NRBF2: variants seen among roughly 807,000 people sequenced by gnomAD.
NRBF2 encodes the protein nuclear receptor binding factor 2.
In NRBF2, 12 loss-of-function variants were observed where a neutral mutation model predicts 28.5. The observed-to-expected ratio is 0.42, with a 90% CI of 0.27 to 0.68. The LOEUF (loss-of-function observed/expected upper bound fraction) is 0.68, where lower values mean the gene tolerates loss of function less well. Among genes scored for constraint, NRBF2 ranks in the 30% least tolerant of loss-of-function variants. NRBF2 has a pLI of 0.24. For synonymous variants in NRBF2, 102 were observed against 116.5 expected, an observed-to-expected ratio of 0.88 and a Z score of 0.80; for missense variants, 274 against 333.5, an observed-to-expected ratio of 0.82 and a Z score of 1.39.
intron 2 of NRBF2, among the ~76,000 whole-genome samples, chr10:63,146,751 T>A (rs1487900543): frequency 1.3e-5 from 2 of 152,222 alleles, no homozygotes; most frequent in Non-Finnish European, 2.9e-5. Context: ...TGTGGGAGAT[T>A]TTTCCTGTGG....
At position 63,154,104 on chromosome 10, in the gene NRBF2, T is replaced by G; in HGVS notation, c.750T>G (p.Thr250=). The change falls in exon 4 of 4, where the codon ACT becomes ACG. Residue 250 remains threonine (T), a synonymous_variant. Transcript: ENST00000277746. ...CCTGGCAGAAGTTCGCAGCAAATACTGGGAAAGCCAAGGACATTCCAATCC... is the reference window on the plus strand; with the variant it reads ...CCTGGCAGAAGTTCGCAGCAAATACGGGGAAAGCCAAGGACATTCCAATCC... The part of the protein sequence containing the change: ...SSTWQKFAAN[T]GKAKDIPIPN... 1.2e-6 allele frequency: 2 copies of G among 1,613,970 alleles called. No individual in the cohort carries two copies. The highest frequency in any genetic ancestry group is 1.1e-5 in the South Asian group (1 of 91,080).
At chr10:63,150,548 T>A (rs1362094527) in intron 2 of NRBF2, among the ~76,000 whole-genome samples, 1 of 152,150 alleles carries the variant, frequency 6.6e-6, no homozygotes, top group Non-Finnish European at 1.5e-5. Context: ...AACTCTTCTT[T>A]TTCTTGGAAA....
intron 1 of NRBF2, among the ~76,000 whole-genome samples, chr10:63,137,756 G>C (rs545532423): frequency 6.6e-6 from 1 of 152,072 alleles, no homozygotes; most frequent in South Asian, 2.1e-4. Flanking sequence ...AAATCTTCAA[G>C]GTAAAAAGAG....
At chr10:63,147,681 C>T (rs558579430) in intron 2 of NRBF2, among the ~76,000 whole-genome samples, 1 of 149,420 alleles carries the variant, frequency 6.7e-6, no homozygotes, top group South Asian at 2.1e-4. Context: ...TAGGTATACA[C>T]GTGCCATGGT....
At chr10:63,139,157 G>A (rs1019694456) in intron 1 of NRBF2, among the ~76,000 whole-genome samples, 4 of 152,226 alleles carry the variant, frequency 2.6e-5, no homozygotes, top group South Asian at 2.1e-4. Context: ...CCACAGGCGC[G>A]TGCCATCATG....
Position 63,133,445 on chromosome 10 carries a change from T to C in NRBF2, c.-26T>C. On this transcript the variant is annotated 5_prime_UTR_variant, in exon 1 of 4. Coordinates refer to ENST00000277746, the MANE Select transcript of NRBF2 (RefSeq NM_030759.5). ...TCCCCGGCGCCACTACTCCCCTTCC[T>C]AAGGCCGCCGCTTACCCCGGGGTCT... 2 of 1,611,586 alleles carry C rather than the reference T, an allele frequency of 1.2e-6. No homozygotes were observed. Among genetic ancestry groups the C allele is most frequent in the Non-Finnish European group, 1.7e-6 (2 of 1,178,836 alleles).
At position 63,154,758 on chromosome 10, in the gene NRBF2, CATA is replaced by C. The variant is rs1160843; in HGVS notation, c.*543_*545del. 0.4 allele frequency: 61,514 copies of C among 152,326 alleles called. 13,414 individuals are homozygous for C. The highest frequency in any genetic ancestry group is 0.52 in the South Asian group (2,529 of 4,818). The allele number at this position is 152,326 out of a possible 1,614,324, so 9.4% of individuals were successfully genotyped here. A position where few individuals can be genotyped will look rare whatever the true frequency, so the allele number is the denominator to read the frequency against. ...TATATGTGCCACACTTTGCACTACT[CATA>C]ATGATAACCTCAAGACTATCAGAAG... On this transcript the variant is annotated 3_prime_UTR_variant, in exon 4 of 4. Transcript: ENST00000277746.
At chr10:63,150,216 T>G (rs1841627179) in intron 2 of NRBF2, 1 of 187,984 alleles carries the variant, frequency 5.3e-6, no homozygotes, top group Non-Finnish European at 9.9e-6. Context: ...CCTCCCAAAG[T>G]GCTAGGATTA....
At chr10:63,149,968 G>C (rs1380129261) in intron 2 of NRBF2, among the ~76,000 whole-genome samples, 3 of 148,082 alleles carry the variant, frequency 2.0e-5, no homozygotes, top group Non-Finnish European at 4.5e-5. Flanking sequence ...TTGAAACGGA[G>C]TCTTGCTCTG....
At chr10:63,134,301 T>C (rs913117833) in intron 1 of NRBF2, among the ~76,000 whole-genome samples, 1 of 152,198 alleles carries the variant, frequency 6.6e-6, no homozygotes, top group African/African-American at 2.4e-5. Context: ...GACTGGCCAT[T>C]GCATCTTTTA....
At chr10:63,142,658 T>G (rs1299503525) in intron 1 of NRBF2, among the ~76,000 whole-genome samples, 1 of 152,156 alleles carries the variant, frequency 6.6e-6, no homozygotes, top group Non-Finnish European at 1.5e-5. Flanking sequence ...AATACCTGTA[T>G]AATTTGTGGG....
intron 1 of NRBF2, among the ~76,000 whole-genome samples, chr10:63,139,576 G>A (rs1841430497): frequency 6.6e-6 from 1 of 152,128 alleles, no homozygotes; most frequent in African/African-American, 2.4e-5. Flanking sequence ...TAATTTACTG[G>A]ACTCCAAAGA....
intron 1 of NRBF2, among the ~76,000 whole-genome samples, chr10:63,140,705 CTT>C (rs201387308): frequency 6.9e-6 from 1 of 144,916 alleles, no homozygotes. Context: ...CAGCCTATTA[CTT>C]TTTTTTTTTT....
chr10:63,137,768 C>A (rs1841397155), intron 1 of NRBF2, among the ~76,000 whole-genome samples: 1 of 151,990 alleles, frequency 6.6e-6, no homozygotes, highest in South Asian at 2.1e-4. Context: ...TAAAAAGAGG[C>A]AATTTGAACC....
rs1208372499 is a variant in NRBF2, at chr10:63,154,966, G to T, written c.*748G>T. The T allele has an allele frequency of 6.6e-6, 1 of 152,456 alleles. No homozygotes were observed. The highest frequency in any genetic ancestry group is 1.5e-5 in the Non-Finnish European group (1 of 68,040). The allele number at this position is 152,456 out of a possible 1,614,324, so 9.4% of individuals were successfully genotyped here. A position where few individuals can be genotyped will look rare whatever the true frequency, so the allele number is the denominator to read the frequency against. On this transcript the variant is annotated 3_prime_UTR_variant, in exon 4 of 4. Coordinates refer to ENST00000277746, the MANE Select transcript of NRBF2 (RefSeq NM_030759.5). ...CTTTGTTTTTAATGATGCAAGAGTG[G>T]ACGTAATGCTAGTTGGCAGTATTTT...
At chr10:63,144,638 G>T (rs1049501559) in intron 1 of NRBF2, among the ~76,000 whole-genome samples, 1 of 151,910 alleles carries the variant, frequency 6.6e-6, no homozygotes, top group Non-Finnish European at 1.5e-5. Flanking sequence ...AGATGGTCTC[G>T]ATCTCCTGAC....
At chr10:63,149,901 T>G (rs1841618701) in intron 2 of NRBF2, among the ~76,000 whole-genome samples, 1 of 151,708 alleles carries the variant, frequency 6.6e-6, no homozygotes, top group Non-Finnish European at 1.5e-5. Flanking sequence ...GTGTCTACAG[T>G]GTATCAGAGC....
intron 1 of NRBF2, among the ~76,000 whole-genome samples, chr10:63,141,841 A>G (rs1296508718): frequency 6.6e-6 from 1 of 152,152 alleles, no homozygotes; most frequent in African/African-American, 2.4e-5. Flanking sequence ...AAAATACGAA[A>G]TTTGATTGCT....
At chr10:63,138,310 A>G (rs1841405537) in intron 1 of NRBF2, among the ~76,000 whole-genome samples, 1 of 149,472 alleles carries the variant, frequency 6.7e-6, no homozygotes, top group South Asian at 2.1e-4. Context: ...GAAACTCCGT[A>G]TCAAAAAACA....
Sources: gnomAD v4.1 joint callset for allele counts (sites outside exome capture counted in the v4.1 genomes callset) on GRCh38, gnomAD v4.1.1 for gene constraint, MANE v1.5 for transcripts, NCBI Gene and HGNC (gene_info 2026-07-23, HGNC 2026-07-21) for gene names.